Variants in PLEKHA2 observed in about 807,000 individuals in gnomAD.
PLEKHA2 encodes pleckstrin homology domain containing A2, also known as pleckstrin homology domain-containing family A member 2.
Under a neutral mutation model 53.2 loss-of-function variants are expected in PLEKHA2, and 28 were observed. The observed-to-expected ratio is 0.53, with a 90% confidence interval of 0.39 to 0.72. PLEKHA2 has a LOEUF of 0.72. Ranked by LOEUF, PLEKHA2 falls within the 30% of genes least tolerant of loss-of-function variation. The pLI is 0.00. For synonymous variants in PLEKHA2, 193 were observed against 196.4 expected (o/e 0.98, Z 0.14); for missense variants, 426 against 537.9 (o/e 0.79, Z 2.06).
At chr8:38,918,629 C>CCATAA (rs1834121731) in intron 2 of PLEKHA2, among the ~76,000 whole-genome samples, 3 of 102,132 alleles carry the variant, frequency 2.9e-5, no homozygotes, top group African/African-American at 3.5e-5. Context: ...ACACACACAC[C>CCATAA]ACACACAGAG....
intron 1 of PLEKHA2, among the ~76,000 whole-genome samples, chr8:38,907,449 C>G (rs950475459): frequency 2.0e-5 from 3 of 152,198 alleles, no homozygotes; most frequent in Non-Finnish European, 4.4e-5. Flanking sequence ...AACCACAGCT[C>G]TCATTACTTA....
At chr8:38,917,856 G>A in intron 1 of PLEKHA2, 51 bp from the exon 2 acceptor site, 1 of 1,571,224 alleles carries the variant, frequency 6.4e-7, no homozygotes, top group South Asian at 1.2e-5. Flanking sequence ...CAGGTCCTGA[G>A]GCAGAGCTGC....
Position 38,918,301 on chromosome 8 carries a change from T to TAC in PLEKHA2, c.141+240_141+241dup, listed in dbSNP as rs1432717290. Among the ~76,000 whole-genome samples, 510 of 112,684 alleles carry TAC rather than the reference T, an allele frequency of 4.5e-3. 2 individuals carry two copies. Among genetic ancestry groups the TAC allele is most frequent in the African/African-American group, 0.017 (489 of 29,364 alleles). 73.9% of individuals were successfully genotyped at this position (112,684 alleles called of 152,430 possible). On this transcript the variant is annotated intron_variant, in intron 2 of 11. Coordinates refer to ENST00000617275, the MANE Select transcript of PLEKHA2 (RefSeq NM_021623.2). The stretch of plus-strand genomic sequence containing the variant: ...CACACACGCACACACATGCACCTTA[T>TAC]ACACACACACCACACACACACTGTA...
chr8:38,936,644 C>T (rs1363900607), intron 3 of PLEKHA2, among the ~76,000 whole-genome samples: 1 of 152,224 alleles, frequency 6.6e-6, no homozygotes, highest in Admixed American at 6.5e-5. Context: ...ACAGAAGGGG[C>T]CGGAGCAGGC....
chr8:38,915,370 G>T (rs58525633), intron 1 of PLEKHA2, among the ~76,000 whole-genome samples: 10,075 of 152,278 alleles, frequency 0.066, 1,129 homozygotes, highest in African/African-American at 0.23. Context: ...TTTTCTCACC[G>T]ATCTGGAGGC....
At chr8:38,918,611 C>T (rs1441688739) in intron 2 of PLEKHA2, among the ~76,000 whole-genome samples, 2 of 1,708 alleles carry the variant, frequency 1.2e-3, no homozygotes, top group Admixed American at 0.013. Context: ...CACACATACA[C>T]AAGCCATACA....
At chr8:38,951,616 T>G (rs1334406652) in intron 6 of PLEKHA2, among the ~76,000 whole-genome samples, 3 of 151,996 alleles carry the variant, frequency 2.0e-5, no homozygotes, top group East Asian at 1.9e-4. Context: ...GCTCAAGTGA[T>G]CCTCCCACCT....
intron 3 of PLEKHA2, among the ~76,000 whole-genome samples, chr8:38,938,430 C>G (rs1933922752): frequency 2.0e-5 from 3 of 152,192 alleles, no homozygotes; most frequent in African/African-American, 7.2e-5. Context: ...GAGGCCGCAG[C>G]AGAGCTAGGA....
At chr8:38,960,935 T>A (rs1835030079) in intron 10 of PLEKHA2, 3 of 152,248 alleles carry the variant, frequency 2.0e-5, no homozygotes. Flanking sequence ...TGCATGGTTT[T>A]TAACAGTATG....
At chr8:38,925,676 G>A (rs575407618) in intron 2 of PLEKHA2, among the ~76,000 whole-genome samples, 11 of 152,312 alleles carry the variant, frequency 7.2e-5, no homozygotes, top group East Asian at 3.9e-4. Flanking sequence ...TCTTTCCATT[G>A]ATGGGGTGAA....
intron 2 of PLEKHA2, among the ~76,000 whole-genome samples, chr8:38,930,099 G>A (rs1397826323): frequency 1.3e-5 from 2 of 152,182 alleles, no homozygotes; most frequent in Non-Finnish European, 2.9e-5. Context: ...TCCCCCCTGG[G>A]GAGCTGGCTC....
At position 38,971,538 on chromosome 8, in the gene PLEKHA2, T is replaced by C. The variant is rs1835248243; in HGVS notation, c.*1755T>C. 1 of 152,246 alleles carries C rather than the reference T, an allele frequency of 6.6e-6. No individual in the cohort carries two copies. The highest frequency in any genetic ancestry group is 1.5e-5 in the Non-Finnish European group (1 of 68,046). 9.4% of individuals were successfully genotyped at this position (152,246 alleles called of 1,614,324 possible). ...CACAAAATATGTGATGTGGAACTCA[T>C]GAAAATAGGGACTTTTGATATCTCT... is the stretch of plus-strand genomic sequence containing the variant. On this transcript the variant is annotated 3_prime_UTR_variant, in exon 12 of 12. Transcript: ENST00000617275.
At chr8:38,908,814 G>A (rs1447359644) in intron 1 of PLEKHA2, among the ~76,000 whole-genome samples, 4 of 152,100 alleles carry the variant, frequency 2.6e-5, no homozygotes, top group Admixed American at 6.6e-5. Context: ...GAATTATTGT[G>A]TAATATTTCC....
chr8:38,917,978 G>A lies in PLEKHA2; in HGVS notation c.49G>A (p.Glu17Lys), dbSNP rs778433575. 7.1e-5 allele frequency: 114 copies of A among 1,613,502 alleles called. No homozygotes were observed. The highest frequency in any genetic ancestry group is 8.8e-5 in the Non-Finnish European group (104 of 1,179,688). Residue 17 changes from glutamate (E) to lysine (K), a missense_variant, in exon 2 of 12, where the codon GAG (glutamate) becomes AAG (lysine). Coordinates refer to ENST00000617275, the MANE Select transcript of PLEKHA2 (RefSeq NM_021623.2). ...CCGAATCTGTGGGTTTCTGGACATC[G>A]AGGAGCATGAGAACAGCGGCAAGTT... ...QNRICGFLDI[E>K]EHENSGKFLR... is the part of the protein sequence containing the mutation.
chr8:38,915,308 G>A (rs1444618692), intron 1 of PLEKHA2, among the ~76,000 whole-genome samples: 1 of 152,184 alleles, frequency 6.6e-6, no homozygotes, highest in African/African-American at 2.4e-5. Context: ...AGGCTGCTCA[G>A]GCCATCATAA....
At chr8:38,960,380 G>T (rs930181236) in intron 10 of PLEKHA2, among the ~76,000 whole-genome samples, 1 of 152,186 alleles carries the variant, frequency 6.6e-6, no homozygotes, top group Non-Finnish European at 1.5e-5. Context: ...TTGGGAGGCT[G>T]AGGCAGGAGG....
intron 2 of PLEKHA2, among the ~76,000 whole-genome samples, chr8:38,920,453 T>C (rs1248949826): frequency 6.6e-6 from 1 of 151,870 alleles, no homozygotes; most frequent in Non-Finnish European, 1.5e-5. Flanking sequence ...TTTGTTACTT[T>C]TAGTAGAGAC....
chr8:38,972,455 G>A lies in PLEKHA2; in HGVS notation c.*2672G>A, dbSNP rs1835269044. 1 of 152,160 alleles carries A rather than the reference G, an allele frequency of 6.6e-6. No individual in the cohort carries two copies. The highest frequency in any genetic ancestry group is 2.4e-5 in the African/African-American group (1 of 41,424). 9.4% of individuals were successfully genotyped at this position (152,160 alleles called of 1,614,324 possible). On this transcript the variant is annotated 3_prime_UTR_variant, in exon 12 of 12. Transcript: ENST00000617275. ...CTGCCTTGGCCTCCTAAAGTGTTGG[G>A]ATTACAGGTGTGAGCCACTGCACCT...
intron 1 of PLEKHA2, among the ~76,000 whole-genome samples, chr8:38,904,097 C>CG (rs1333391540): frequency 6.6e-6 from 1 of 152,056 alleles, no homozygotes; most frequent in African/African-American, 2.4e-5. Flanking sequence ...ATTGGACAGG[C>CG]GGGGGAGATA....
Sources: gnomAD v4.1 joint callset for allele counts (sites outside exome capture counted in the v4.1 genomes callset) on GRCh38, gnomAD v4.1.1 for gene constraint, MANE v1.5 for transcripts, NCBI Gene and HGNC (gene_info 2026-07-23, HGNC 2026-07-21) for gene names.